Variants in GLIS3 observed in about 807,000 individuals in gnomAD.
GLIS3 encodes the protein GLIS family zinc finger 3.
In GLIS3, 53 loss-of-function variants were observed where a neutral mutation model predicts 78.6. The observed-to-expected ratio is 0.67, with a 90% confidence interval of 0.54 to 0.85. The LOEUF is 0.85. Among genes scored for constraint, GLIS3 ranks in the 40% least tolerant of loss-of-function variants. GLIS3 has a pLI of 0.00. For missense variants in GLIS3, 1,703 were observed against 1,231.1 expected (o/e 1.38, Z -5.74); for synonymous variants, 684 against 509.9 (o/e 1.34, Z -4.60).
chr9:4,283,862 A>G (rs1272165202), intron 2 of GLIS3, among the ~76,000 whole-genome samples: 1 of 152,214 alleles, frequency 6.6e-6, no homozygotes, highest in Admixed American at 6.5e-5. Context: ...GCTAGAGGTG[A>G]TAATAATACA....
intron 2 of GLIS3, among the ~76,000 whole-genome samples, chr9:4,173,249 T>C (rs1166925407): frequency 6.6e-6 from 1 of 152,196 alleles, no homozygotes; most frequent in East Asian, 1.9e-4. Flanking sequence ...TTTAAGTGGC[T>C]ACATTTCAGT....
the GLIS3 span, among the ~76,000 whole-genome samples, chr9:4,488,248 C>T: frequency 3.3e-5 from 5 of 152,076 alleles, no homozygotes; most frequent in Non-Finnish European, 7.4e-5. Context: ...AGCCACTGCA[C>T]CTGGCCAATA....
At chr9:4,463,638 T>C in the GLIS3 span, among the ~76,000 whole-genome samples, 1 of 152,148 alleles carries the variant, frequency 6.6e-6, no homozygotes, top group East Asian at 1.9e-4. Context: ...TTAACCCGAA[T>C]AAACCTCAAA....
chr9:4,240,001 T>G (rs1430234318), intron 2 of GLIS3, among the ~76,000 whole-genome samples: 1 of 152,224 alleles, frequency 6.6e-6, no homozygotes, highest in Non-Finnish European at 1.5e-5. Flanking sequence ...TTACGTTGAA[T>G]TATTTCTGCA....
At chr9:4,167,891 G>A (rs80163806) in intron 2 of GLIS3, among the ~76,000 whole-genome samples, 5,523 of 152,142 alleles carry the variant, frequency 0.036, 128 homozygotes, top group Middle Eastern at 0.092. Context: ...TGCCACTTTC[G>A]GTCTGATTAC....
chr9:3,992,267 G>T (rs1485860358), intron 4 of GLIS3, among the ~76,000 whole-genome samples: 3 of 152,050 alleles, frequency 2.0e-5, no homozygotes, highest in African/African-American at 4.8e-5. Context: ...GTAATTTTTT[G>T]GGGAAAAAGT....
intron 4 of GLIS3, among the ~76,000 whole-genome samples, chr9:4,093,542 C>A (rs1307647592): frequency 3.9e-5 from 6 of 152,186 alleles, no homozygotes. Flanking sequence ...TCCAAAGTCA[C>A]TTGGTTTTCT....
At chr9:4,300,436 G>A (rs938141154), upstream of GLIS3, among the ~76,000 whole-genome samples, 2 of 152,168 alleles carry the variant, frequency 1.3e-5, no homozygotes, top group Admixed American at 1.3e-4. Flanking sequence ...GTAATACGGA[G>A]AGAATAACAC....
chr9:4,030,968 A>T (rs1823786516), intron 4 of GLIS3, among the ~76,000 whole-genome samples: 1 of 152,240 alleles, frequency 6.6e-6, no homozygotes, highest in African/African-American at 2.4e-5. Context: ...CACAACCACC[A>T]GGATGGCTAC....
chr9:4,446,504 ATTT>A, the GLIS3 span, among the ~76,000 whole-genome samples: 18,095 of 123,426 alleles, frequency 0.15, 1,228 homozygotes, highest in South Asian at 0.2. Context: ...AAATATCCAA[ATTT>A]TTTTTTTTTT....
At chr9:3,912,515 G>C (rs1013075093) in intron 6 of GLIS3, among the ~76,000 whole-genome samples, 1 of 152,180 alleles carries the variant, frequency 6.6e-6, no homozygotes, top group African/African-American at 2.4e-5. Context: ...ATCTAGCTAT[G>C]CTGGACAGAG....
intron 4 of GLIS3, among the ~76,000 whole-genome samples, chr9:4,101,757 T>G (rs1171690446): frequency 6.6e-6 from 1 of 152,120 alleles, no homozygotes; most frequent in Non-Finnish European, 1.5e-5. Flanking sequence ...AGCTTCTTTT[T>G]GGCTTTTCTT....
intron 7 of GLIS3, among the ~76,000 whole-genome samples, chr9:3,886,521 A>C (rs575720915): frequency 6.6e-6 from 1 of 152,288 alleles, no homozygotes; most frequent in South Asian, 2.1e-4. Flanking sequence ...ATCTTGAAGT[A>C]TTTTTACACT....
chr9:4,210,947 C>T (rs1820322012), intron 2 of GLIS3, among the ~76,000 whole-genome samples: 2 of 152,208 alleles, frequency 1.3e-5, no homozygotes, highest in Admixed American at 6.5e-5. Context: ...GCTCCATGGG[C>T]CATCCTCTGC....
chr9:4,416,205 T>C, the GLIS3 span, among the ~76,000 whole-genome samples: 1 of 129,648 alleles, frequency 7.7e-6, no homozygotes, highest in Non-Finnish European at 1.5e-5. Flanking sequence ...TGAGCTGAGA[T>C]TGAGCCACTG....
At chr9:4,483,652 G>A in the GLIS3 span, among the ~76,000 whole-genome samples, 7 of 151,642 alleles carry the variant, frequency 4.6e-5, no homozygotes, top group Admixed American at 1.3e-4. Flanking sequence ...CCTGGGAGGC[G>A]GAGGATGCAG....
chr9:4,298,418 A>G (rs1816791462), intron 1 of GLIS3: 3 of 454,800 alleles, frequency 6.6e-6, no homozygotes, highest in South Asian at 4.7e-5. Context: ...CAAATCAGCC[A>G]GGGCCAAGAT....
At chr9:4,002,617 C>G (rs1483174480) in intron 4 of GLIS3, among the ~76,000 whole-genome samples, 2 of 152,136 alleles carry the variant, frequency 1.3e-5, no homozygotes, top group Non-Finnish European at 2.9e-5. Context: ...ATTGATTGGT[C>G]ACCTAAAGTC....
At chr9:4,408,491 G>C in the GLIS3 span, among the ~76,000 whole-genome samples, 1 of 151,722 alleles carries the variant, frequency 6.6e-6, no homozygotes, top group African/African-American at 2.4e-5. Context: ...CACTTTTGGA[G>C]GCTGAGGCGG....
Sources: gnomAD v4.1 joint callset for allele counts (sites outside exome capture counted in the v4.1 genomes callset) on GRCh38, gnomAD v4.1.1 for gene constraint, MANE v1.5 for transcripts, NCBI Gene and HGNC (gene_info 2026-07-23, HGNC 2026-07-21) for gene names.